The following GFOD1 variants were observed in gnomAD, a reference collection of about 807,000 sequenced individuals.
GFOD1 encodes Gfo/Idh/MocA-like oxidoreductase domain containing 1, also known as glucose-fructose oxidoreductase domain-containing protein 1.
GFOD1 carries 9 observed loss-of-function variants against 25.4 expected under a neutral mutation model. The ratio of observed to expected loss-of-function variants is 0.35; its 90% CI spans 0.21 to 0.62. The LOEUF is 0.62. GFOD1 is among the 20% of genes least tolerant of loss of function. GFOD1 has a pLI of 0.72. For synonymous variants in GFOD1, 253 were observed against 245.6 expected (o/e 1.03, Z -0.28); for missense variants, 403 against 556.9 (o/e 0.72, Z 2.78).
At chr6:13,421,826 T>C (rs755207575) in intron 1 of GFOD1, among the ~76,000 whole-genome samples, 68 of 152,180 alleles carry the variant, frequency 4.5e-4, no homozygotes, top group Non-Finnish European at 7.3e-5. Flanking sequence ...GGAGGATCTC[T>C]AGTGAGGGAG....
chr6:13,459,875 T>C (rs943498723), intron 1 of GFOD1, among the ~76,000 whole-genome samples: 3 of 152,260 alleles, frequency 2.0e-5, no homozygotes, highest in Non-Finnish European at 2.9e-5. Context: ...GGCTCACACC[T>C]GTAATCCCAG....
At chr6:13,477,775 A>C (rs1198345191) in intron 1 of GFOD1, among the ~76,000 whole-genome samples, 2 of 152,186 alleles carry the variant, frequency 1.3e-5, no homozygotes, top group African/African-American at 4.8e-5. Flanking sequence ...TAAAGAACCT[A>C]CACAATCAGG....
chr6:13,484,061 G>T (rs556791681), intron 1 of GFOD1, among the ~76,000 whole-genome samples: 16 of 152,252 alleles, frequency 1.1e-4, no homozygotes, highest in African/African-American at 3.8e-4. Context: ...TAGGGATTTT[G>T]AGGAAATTTT....
intron 1 of GFOD1, among the ~76,000 whole-genome samples, chr6:13,484,367 CTGA>C (rs1456072934): frequency 1.3e-5 from 2 of 152,318 alleles, no homozygotes; most frequent in African/African-American, 4.8e-5. Flanking sequence ...CCAGATCAGC[CTGA>C]TAACTGTTTG....
intron 1 of GFOD1, among the ~76,000 whole-genome samples, chr6:13,483,557 G>A (rs1054598544): frequency 6.6e-6 from 1 of 152,180 alleles, no homozygotes; most frequent in African/African-American, 2.4e-5. Context: ...AGTGGCTAGA[G>A]GCAGGGTTGG....
intron 1 of GFOD1, among the ~76,000 whole-genome samples, chr6:13,366,438 C>T (rs536444817): frequency 2.7e-4 from 41 of 152,280 alleles, no homozygotes; most frequent in East Asian, 1.4e-3. Flanking sequence ...TGGGTTCAAA[C>T]GATTCTCCTG....
intron 1 of GFOD1, among the ~76,000 whole-genome samples, chr6:13,446,203 G>C: frequency 6.6e-6 from 1 of 152,144 alleles, no homozygotes; most frequent in East Asian, 1.9e-4. Context: ...ATGTGACAGG[G>C]ACAGGCTTTT....
intron 1 of GFOD1, among the ~76,000 whole-genome samples, chr6:13,389,783 C>T (rs1785547204): frequency 6.6e-6 from 1 of 152,006 alleles, no homozygotes; most frequent in South Asian, 2.1e-4. Context: ...AATCTAACGC[C>T]CCTTTCCAAA....
chr6:13,464,907 T>A (rs1219141779), intron 1 of GFOD1, among the ~76,000 whole-genome samples: 1 of 147,336 alleles, frequency 6.8e-6, no homozygotes, highest in East Asian at 2.0e-4. Flanking sequence ...TGTGTGTGTG[T>A]ATCCTTTTGG....
At chr6:13,407,536 G>A (rs1215706329) in intron 1 of GFOD1, among the ~76,000 whole-genome samples, 2 of 152,176 alleles carry the variant, frequency 1.3e-5, no homozygotes, top group African/African-American at 4.8e-5. Context: ...TGGAATAAAG[G>A]ATGACATTAA....
intron 1 of GFOD1, among the ~76,000 whole-genome samples, chr6:13,428,450 T>C (rs1757683313): frequency 6.6e-6 from 1 of 152,134 alleles, no homozygotes; most frequent in Non-Finnish European, 1.5e-5. Flanking sequence ...CGGCCAGCAG[T>C]GGAAACGCAA....
chr6:13,483,050 A>AT (rs1758788444), intron 1 of GFOD1, among the ~76,000 whole-genome samples: 1 of 152,190 alleles, frequency 6.6e-6, no homozygotes, highest in Admixed American at 6.5e-5. Flanking sequence ...ACTAGGGGAC[A>AT]TTCAGTCTTC....
chr6:13,432,333 C>T (rs375448743), intron 1 of GFOD1, among the ~76,000 whole-genome samples: 10 of 151,472 alleles, frequency 6.6e-5, no homozygotes, highest in Admixed American at 6.6e-4. Context: ...CCCACCTTAA[C>T]CTCCCAAGTA....
chr6:13,441,386 C>T (rs550537284), intron 1 of GFOD1, among the ~76,000 whole-genome samples: 6 of 152,272 alleles, frequency 3.9e-5, no homozygotes, highest in Middle Eastern at 3.4e-3. Flanking sequence ...CTCTTTCAAA[C>T]GAAATGTGGC....
At chr6:13,414,128 T>A (rs1786125152) in intron 1 of GFOD1, among the ~76,000 whole-genome samples, 1 of 152,240 alleles carries the variant, frequency 6.6e-6, no homozygotes, top group Non-Finnish European at 1.5e-5. Flanking sequence ...GAGACTATCG[T>A]GTTCCCCAGC....
chr6:13,449,344 G>A (rs980713467), intron 1 of GFOD1, among the ~76,000 whole-genome samples: 15 of 152,108 alleles, frequency 9.9e-5, no homozygotes, highest in Admixed American at 5.2e-4. Context: ...TAAATGATGC[G>A]ACAGCCAAGC....
At chr6:13,404,081 A>G (rs939385286) in intron 1 of GFOD1, among the ~76,000 whole-genome samples, 1 of 152,258 alleles carries the variant, frequency 6.6e-6, no homozygotes, top group Non-Finnish European at 1.5e-5. Flanking sequence ...CGATAGTTTG[A>G]AATCAGCCTA....
At position 13,423,688 on chromosome 6, in the gene GFOD1, G is replaced by C. The variant is rs567407312; in HGVS notation, c.254-58026C>G. Reference sequence around the variant, plus strand: ...TGAGTCGGTAGCAGAACCGGGGGTGGGCCCACTTTGATATGGAAGGCATCC... The same window carrying C: ...TGAGTCGGTAGCAGAACCGGGGGTGCGCCCACTTTGATATGGAAGGCATCC... On this transcript the variant is annotated intron_variant, in intron 1 of 1. Transcript: ENST00000379287. Among the ~76,000 whole-genome samples the C allele has an allele frequency of 1.8e-4, 27 of 152,222 alleles. No homozygotes were observed. The South Asian group carries it at 5.2e-3, about 29-fold the overall frequency.
At chr6:13,404,334 C>A (rs1382843552) in intron 1 of GFOD1, among the ~76,000 whole-genome samples, 2 of 152,202 alleles carry the variant, frequency 1.3e-5, no homozygotes, top group East Asian at 3.8e-4. Context: ...AGGGAAACTG[C>A]AGCCAGCCAG....
Sources: gnomAD v4.1 joint callset for allele counts (sites outside exome capture counted in the v4.1 genomes callset) on GRCh38, gnomAD v4.1.1 for gene constraint, MANE v1.5 for transcripts, NCBI Gene and HGNC (gene_info 2026-07-23, HGNC 2026-07-21) for gene names.